The following NASP variants were observed in gnomAD, a reference collection of about 807,000 sequenced individuals.
The protein encoded by NASP is NASP histone chaperone.
A neutral mutation model predicts 89.5 loss-of-function variants in NASP; 24 were observed. That is an observed-to-expected ratio of 0.27 (90% CI 0.19 to 0.38). The LOEUF (loss-of-function observed/expected upper bound fraction) is 0.38. Ranked by LOEUF, NASP falls within the 10% of genes least tolerant of loss-of-function variation. The pLI, the probability that NASP is intolerant of heterozygous loss-of-function variation, is 1.00. For synonymous variants in NASP, 306 were observed against 324.7 expected (o/e 0.94, Z 0.62); for missense variants, 848 against 921.4 (o/e 0.92, Z 1.03).
chr1:45,609,116 T>C (rs891909440), intron 6 of NASP, among the ~76,000 whole-genome samples: 1 of 152,216 alleles, frequency 6.6e-6, no homozygotes, highest in African/African-American at 2.4e-5. Context: ...TAAGTGTGAT[T>C]AAATTTCATT....
chr1:45,593,663 C>CT (rs553586924), intron 2 of NASP, among the ~76,000 whole-genome samples: 138 of 142,774 alleles, frequency 9.7e-4, no homozygotes, highest in East Asian at 2.6e-3. Flanking sequence ...ATGAGCTGTA[C>CT]TTTTTTTTTT....
chr1:45,590,682 C>CTT (rs386366869), intron 1 of NASP, among the ~76,000 whole-genome samples: 46,546 of 107,280 alleles, frequency 0.43, 11,296 homozygotes, highest in East Asian at 0.56. Flanking sequence ...CATAGTGTAA[C>CTT]TTTTTTTTTT....
intron 2 of NASP, among the ~76,000 whole-genome samples, chr1:45,600,767 T>C (rs1453235440): frequency 6.6e-6 from 1 of 152,242 alleles, no homozygotes; most frequent in Non-Finnish European, 1.5e-5. Context: ...CCAAACTGTT[T>C]TCTAAAGTGA....
chr1:45,607,654 C>A lies in NASP; in HGVS notation c.743C>A (p.Thr248Asn). The A allele has an allele frequency of 6.2e-7, 1 of 1,614,104 alleles. No individual in the cohort carries two copies. Among genetic ancestry groups the A allele is most frequent in the South Asian group, 1.1e-5 (1 of 91,076 alleles). The part of the protein sequence containing the change: ...DAEEEKSVSG[T>N]DVQEECREKG... ...GAGGAAGAAAAATCAGTTTCTGGAA[C>A]TGATGTCCAAGAAGAGTGCAGAGAA... Residue 248 changes from threonine to asparagine, a missense_variant, in exon 6 of 15, where the codon ACT becomes AAT. By Grantham distance (65) the Thr-to-Asn change is moderately conservative. Coordinates refer to ENST00000350030, the MANE Select transcript of NASP (RefSeq NM_002482.4).
rs1477525852 is a variant in NASP, at chr1:45,615,454, G to C, written c.2005G>C (p.Ala669Pro). Residue 669 changes from alanine to proline, a missense_variant, in exon 11 of 15, where the codon GCT (alanine) becomes CCT (proline). Around this residue, in one of 5 missense-constraint regions of NASP, gnomAD observed 218 missense variants for 219.6 expected, o/e 0.99. Transcript: ENST00000350030. ...GCGTAGTGGGAATGTAGCTGAACTG[G>C]CTCTGAAAGCTACTCTGGTTGGTTC... Reference protein sequence around the residue: ...SQRSGNVAELALKATLVESST... With the variant: ...SQRSGNVAELPLKATLVESST... The C allele has an allele frequency of 6.8e-6, 11 of 1,612,640 alleles. No individual in the cohort carries two copies. Among genetic ancestry groups the C allele is most frequent in the African/African-American group, 1.3e-5 (1 of 74,792 alleles).
In NASP at chr1:45,617,457, C is replaced by G; in HGVS notation, c.2158-6C>G. 1 of 1,611,720 alleles carries G rather than the reference C, an allele frequency of 6.2e-7. No individual in the cohort carries two copies. The highest frequency in any genetic ancestry group is 8.5e-7 in the Non-Finnish European group (1 of 1,179,350). On this transcript the variant is annotated splice_region_variant and splice_polypyrimidine_tract_variant and intron_variant, in intron 13 of 14. Coordinates refer to ENST00000350030, the MANE Select transcript of NASP (RefSeq NM_002482.4). ...ATTTGTGAAGCCTTCACAATTATAT[C>G]TTTAGAGGAAACCAGAGGAAGAGAG...
intron 3 of NASP, among the ~76,000 whole-genome samples, chr1:45,602,924 C>T (rs1446658626): frequency 1.3e-5 from 2 of 152,186 alleles, no homozygotes; most frequent in Admixed American, 6.5e-5. Context: ...AGCCACTGAG[C>T]CCCAGCCTGA....
chr1:45,601,246 A>C (rs1643836680), intron 2 of NASP, among the ~76,000 whole-genome samples: 1 of 152,228 alleles, frequency 6.6e-6, no homozygotes, highest in Non-Finnish European at 1.5e-5. Context: ...GTCTTTGCCA[A>C]AGCCAAAGTC....
intron 3 of NASP, among the ~76,000 whole-genome samples, chr1:45,603,664 C>T (rs1158125308): frequency 3.0e-5 from 4 of 134,510 alleles, no homozygotes; most frequent in Non-Finnish European, 4.5e-5. Context: ...GGCTGGAGTG[C>T]GATGGCGCGA....
At chr1:45,614,895 CTA>C (rs1644076701) in intron 9 of NASP, 116 bp from the exon 10 acceptor site, 2 of 913,098 alleles carry the variant, frequency 2.2e-6, no homozygotes, top group South Asian at 3.6e-5. Flanking sequence ...CTGGAAATAA[CTA>C]TAAACAAAAA....
chr1:45,603,305 C>T (rs900261287), intron 3 of NASP, among the ~76,000 whole-genome samples: 1 of 152,174 alleles, frequency 6.6e-6, no homozygotes, highest in African/African-American at 2.4e-5. Flanking sequence ...TGCAATTGAA[C>T]TTGAAGGTCA....
chr1:45,591,385 C>T (rs1325527686), intron 2 of NASP, 115 bp downstream of exon 2: 3 of 728,404 alleles, frequency 4.1e-6, no homozygotes, highest in Admixed American at 3.5e-5. Flanking sequence ...GGCAAGGTGT[C>T]GCTTTGTTGC....
Position 45,617,551 on chromosome 1 carries a change from T to G in NASP, c.2246T>G (p.Val749Gly). 2 of 1,601,644 alleles carry G rather than the reference T, an allele frequency of 1.2e-6. No individual in the cohort carries two copies. Among genetic ancestry groups the G allele is most frequent in the Non-Finnish European group, 1.7e-6 (2 of 1,176,342 alleles). ...GTGAACGGAGGCAGTGGGGATGCTG[T>G]CCCCAGTGGAAATGAAGTTTCGGAA... is the stretch of plus-strand genomic sequence containing the variant. The part of the protein sequence containing the change: ...PEVNGGSGDA[V>G]PSGNEVSENM... Residue 749 changes from valine (V) to glycine (G), a missense_variant, in exon 14 of 15, where the codon GTC (valine) becomes GGC (glycine). Val to Gly is a moderately radical substitution (Grantham distance 109). Transcript: ENST00000350030.
intron 1 of NASP, among the ~76,000 whole-genome samples, chr1:45,590,320 G>A (rs1643501872): frequency 1.9e-5 from 1 of 53,018 alleles, no homozygotes; most frequent in Non-Finnish European, 3.6e-5. Flanking sequence ...CGAGGCAGGT[G>A]GATCACGAGG....
At chr1:45,584,471 C>T (rs571386298) in intron 1 of NASP, among the ~76,000 whole-genome samples, 67 of 152,326 alleles carry the variant, frequency 4.4e-4, no homozygotes, top group Middle Eastern at 6.8e-3. Flanking sequence ...CTGTATCCTT[C>T]GCCTGCCCCT....
At chr1:45,616,204 C>CTGGA in intron 11 of NASP, 133 bp from the exon 12 acceptor site, 1 of 792,950 alleles carries the variant, frequency 1.3e-6, no homozygotes, top group East Asian at 2.5e-5. Flanking sequence ...AGGGGTAGAA[C>CTGGA]TGGATACTAT....
intron 2 of NASP, among the ~76,000 whole-genome samples, chr1:45,599,118 T>G (rs1178649160): frequency 6.6e-6 from 1 of 151,752 alleles, no homozygotes; most frequent in Non-Finnish European, 1.5e-5. Context: ...GAAAGAGTGT[T>G]TTTGTTTGTT....
At position 45,586,284 on chromosome 1, in the gene NASP, G is replaced by GTGGTGT. The variant is rs1202771599; in HGVS notation, c.59+2079_59+2080insTGGTGT. Among the ~76,000 whole-genome samples, 21 of 100,526 alleles carry GTGGTGT rather than the reference G, an allele frequency of 2.1e-4. No individual in the cohort carries two copies. The East Asian group carries it at 2.2e-3, about 11-fold the overall frequency. The allele number at this position is 100,526 out of a possible 152,430, so 65.9% of individuals were successfully genotyped here. ...TGTGTGTGTGTGTGTGTGTGTGTGT[G>GTGGTGT]GTGTGTGTGTGTGTGTGTGTGTGTG... On this transcript the variant is annotated intron_variant, in intron 1 of 14. Coordinates refer to ENST00000350030, the MANE Select transcript of NASP (RefSeq NM_002482.4).
At chr1:45,588,780 T>C in intron 1 of NASP, 1 of 260,192 alleles carries the variant, frequency 3.8e-6, no homozygotes, top group Non-Finnish European at 7.7e-6. Flanking sequence ...CTACTAAAAA[T>C]ACAAAAAAAA....
Sources: gnomAD v4.1 joint callset for allele counts (sites outside exome capture counted in the v4.1 genomes callset) on GRCh38, gnomAD v4.1.1 for gene constraint, gnomAD v4.1.1 regional missense constraint, MANE v1.5 for transcripts, NCBI Gene and HGNC (gene_info 2026-07-23, HGNC 2026-07-21) for gene names.